ZNF618: variants seen among roughly 807,000 people sequenced by gnomAD.
ZNF618 encodes zinc finger protein 618, also known as neural precursor cell expressed, developmentally down-regulated 10.
Under a neutral mutation model 103.0 loss-of-function variants are expected in ZNF618, and 34 were observed. The ratio of observed to expected loss-of-function variants is 0.33; its 90% CI spans 0.25 to 0.44. The LOEUF (loss-of-function observed/expected upper bound fraction) is 0.44, where lower values mean the gene tolerates loss of function less well. ZNF618 is among the 20% of genes least tolerant of loss of function. The pLI is 1.00. For synonymous variants in ZNF618, 551 were observed against 542.2 expected (o/e 1.02, Z -0.23); for missense variants, 1,059 against 1,295.4 (o/e 0.82, Z 2.80).
At chr9:113,919,968 G>A (rs1235879222) in intron 1 of ZNF618, among the ~76,000 whole-genome samples, 2 of 152,352 alleles carry the variant, frequency 1.3e-5, no homozygotes, top group East Asian at 3.9e-4. Context: ...GAAGGCTGCA[G>A]CCAGGGTCTG....
intron 1 of ZNF618, among the ~76,000 whole-genome samples, chr9:113,933,405 A>G (rs1588082240): frequency 6.6e-6 from 1 of 152,190 alleles, no homozygotes; most frequent in East Asian, 1.9e-4. Flanking sequence ...CTCGGGTCCA[A>G]GCCAAGAGAA....
rs902606792 is a variant in ZNF618 at position 114,016,041 on chromosome 9, C to T, written c.755-654C>T. On this transcript the variant is annotated intron_variant, in intron 9 of 14. Coordinates refer to ENST00000374126, the MANE Select transcript of ZNF618 (RefSeq NM_001318042.2). ...GATGCTGCTCTTTGTTTGGGGGTTA[C>T]AGATGATTGAAATTTCTCTTTAGTT... is the stretch of plus-strand genomic sequence containing the variant. 4.9e-6 allele frequency: 7 copies of T among 1,416,648 alleles called. No homozygotes were observed. In the African/African-American group the frequency reaches 8.5e-5, roughly 17 times the overall value. The allele number at this position is 1,416,648 out of a possible 1,614,324, so 87.8% of individuals were successfully genotyped here. A position where few individuals can be genotyped will look rare whatever the true frequency, so the allele number is the denominator to read the frequency against.
At chr9:114,012,606 CAA>C (rs1421786533) in intron 9 of ZNF618, among the ~76,000 whole-genome samples, 1 of 152,016 alleles carries the variant, frequency 6.6e-6, no homozygotes, top group Non-Finnish European at 1.5e-5. Context: ...AATAAGAAAG[CAA>C]AGAGAGAGGA....
At chr9:114,028,671 G>A (rs951695569) in intron 10 of ZNF618, 62 bp from the exon 11 acceptor site, 18 of 1,510,024 alleles carry the variant, frequency 1.2e-5, no homozygotes, top group Admixed American at 6.2e-5. Context: ...CTGGTGGCCC[G>A]AGAGGCCACT....
chr9:113,964,535 G>A (rs1837179100), intron 1 of ZNF618, among the ~76,000 whole-genome samples: 1 of 150,334 alleles, frequency 6.7e-6, no homozygotes, highest in South Asian at 2.1e-4. Context: ...TTCCTCAAGT[G>A]GCTTAAAAAA....
At chr9:113,935,878 T>C (rs1833986113) in intron 1 of ZNF618, among the ~76,000 whole-genome samples, 1 of 152,170 alleles carries the variant, frequency 6.6e-6, no homozygotes, top group Non-Finnish European at 1.5e-5. Context: ...ATCAGGCCCG[T>C]TCCTCCCAGC....
intron 10 of ZNF618, among the ~76,000 whole-genome samples, chr9:114,026,153 T>A (rs1037359204): frequency 1.3e-5 from 2 of 152,032 alleles, no homozygotes; most frequent in African/African-American, 4.8e-5. Context: ...GGACCAACAG[T>A]CAAAAGTTTG....
At chr9:113,954,085 TGAGTC>T (rs1177264499) in intron 1 of ZNF618, among the ~76,000 whole-genome samples, 1 of 152,132 alleles carries the variant, frequency 6.6e-6, no homozygotes, top group Admixed American at 6.6e-5. Flanking sequence ...TTCTGGGGGT[TGAGTC>T]TATGTGGGGT....
chr9:113,911,398 G>A (rs1353999587), intron 1 of ZNF618, among the ~76,000 whole-genome samples: 3 of 151,434 alleles, frequency 2.0e-5, no homozygotes, highest in African/African-American at 4.9e-5. Flanking sequence ...GTGCAATCTC[G>A]GCTCACTGCA....
At position 114,054,500 on chromosome 9, in the gene ZNF618, G is replaced by A. The variant is rs12554621; in HGVS notation, c.*4333G>A. 23,756 of 152,464 alleles carry A rather than the reference G, an allele frequency of 0.16. 2,645 individuals carry two copies. The highest frequency in any genetic ancestry group is 0.54 in the East Asian group (2,766 of 5,152). The allele number at this position is 152,464 out of a possible 1,614,324, so 9.4% of individuals were successfully genotyped here. On this transcript the variant is annotated 3_prime_UTR_variant, in exon 15 of 15. Coordinates refer to ENST00000374126, the MANE Select transcript of ZNF618 (RefSeq NM_001318042.2). ...CTTAAGGAGGGCTCCTAACAAGGCC[G>A]ATGATTTAGACAGAACAAGAGACTA...
At chr9:113,898,441 T>G (rs1390421939) in intron 1 of ZNF618, among the ~76,000 whole-genome samples, 2 of 150,628 alleles carry the variant, frequency 1.3e-5, no homozygotes, top group Non-Finnish European at 3.0e-5. Flanking sequence ...ATTTTTCGTT[T>G]TTTTTTTTTT....
intron 1 of ZNF618, among the ~76,000 whole-genome samples, chr9:113,967,786 C>T (rs80337031): frequency 6.6e-6 from 1 of 151,882 alleles, no homozygotes; most frequent in Admixed American, 6.6e-5. Flanking sequence ...TGGGACCAGA[C>T]GGGCTGGGTG....
intron 13 of ZNF618, among the ~76,000 whole-genome samples, chr9:114,038,861 C>G (rs920640789): frequency 6.6e-6 from 1 of 152,204 alleles, no homozygotes; most frequent in Non-Finnish European, 1.5e-5. Context: ...CCCAAAGTTG[C>G]ACAGCTCCTA....
chr9:113,911,373 G>C (rs1831529266), intron 1 of ZNF618, among the ~76,000 whole-genome samples: 1 of 152,112 alleles, frequency 6.6e-6, no homozygotes, highest in Admixed American at 6.5e-5. Context: ...TAGTCACCCA[G>C]GCTAGAGTAC....
At position 113,957,266 on chromosome 9, in the gene ZNF618, ACT is replaced by A. The variant is rs755007998; in HGVS notation, c.34-11846_34-11845del. Among the ~76,000 whole-genome samples, 18 of 152,144 alleles carry A rather than the reference ACT, an allele frequency of 1.2e-4. No individual in the cohort carries two copies. The East Asian group carries it at 3.3e-3, about 28-fold the overall frequency. On this transcript the variant is annotated intron_variant, in intron 1 of 14. Coordinates refer to ENST00000374126, the MANE Select transcript of ZNF618 (RefSeq NM_001318042.2). ...TTAGCACTGGCTGAGAATATTATAG[ACT>A]CTCTATCACTTCATCCACCCAACAG...
intron 9 of ZNF618, 93 bp from the exon 10 acceptor site, chr9:114,016,602 T>C: frequency 1.1e-6 from 1 of 875,828 alleles, no homozygotes; most frequent in Non-Finnish European, 1.9e-6. Flanking sequence ...GGTCCCAGAA[T>C]GGGGAGGAGT....
Position 114,002,057 on chromosome 9 carries a change from C to A in ZNF618, c.495C>A (p.His165Gln), listed in dbSNP as rs770490266. The change falls in exon 5 of 15, where the codon CAC becomes CAA. Residue 165 changes from histidine to glutamine, a missense_variant. Coordinates refer to ENST00000374126, the MANE Select transcript of ZNF618 (RefSeq NM_001318042.2). ...KYKYYNCFQT[H>Q]VRAHRDTEAT... ...AGTATTACAACTGCTTCCAGACCCA[C>A]GTGCGGGCGCACCGAGGTGAGAGGA... is the stretch of plus-strand genomic sequence containing the variant. 6.2e-7 allele frequency: 1 copy of A among 1,613,498 alleles called. No homozygotes were observed. The highest frequency in any genetic ancestry group is 8.5e-7 in the Non-Finnish European group (1 of 1,179,830).
intron 13 of ZNF618, among the ~76,000 whole-genome samples, chr9:114,045,433 G>A (rs1845571297): frequency 6.6e-6 from 1 of 151,908 alleles, no homozygotes; most frequent in Non-Finnish European, 1.5e-5. Context: ...TCTTTTACAT[G>A]TGGGTATCTA....
intron 1 of ZNF618, among the ~76,000 whole-genome samples, chr9:113,930,448 C>A (rs1255100957): frequency 6.6e-6 from 1 of 151,882 alleles, no homozygotes; most frequent in Non-Finnish European, 1.5e-5. Flanking sequence ...GTTTAGGGGG[C>A]GCCTATTTTT....
Sources: allele counts gnomAD v4.1 joint callset (sites outside exome capture counted in the v4.1 genomes callset), GRCh38; gene constraint gnomAD v4.1.1; transcripts MANE v1.5; gene names NCBI Gene and HGNC (gene_info 2026-07-23, HGNC 2026-07-21).